Variants in XPO1 observed in about 807,000 individuals in gnomAD.
The protein encoded by XPO1 is exportin 1.
Under a neutral mutation model 133.3 loss-of-function variants are expected in XPO1, and 5 were observed. The ratio of observed to expected loss-of-function variants is 0.04; its 90% confidence interval spans 0.02 to 0.08. The LOEUF (loss-of-function observed/expected upper bound fraction) is 0.08, where lower values mean the gene tolerates loss of function less well. XPO1 is among the 10% of genes least tolerant of loss of function. XPO1 has a pLI of 1.00. For missense variants in XPO1, 506 were observed against 1,267.5 expected (o/e 0.40, Z 9.12); for synonymous variants, 419 against 408.2 (o/e 1.03, Z -0.32).
At chr2:61,532,758 C>G (rs973681208) in intron 2 of XPO1, among the ~76,000 whole-genome samples, 4 of 151,344 alleles carry the variant, frequency 2.6e-5, no homozygotes, top group African/African-American at 9.7e-5. Context: ...GCTTGAAAAC[C>G]TGGGAGGCAG....
At chr2:61,516,109 G>T (rs961875393) in intron 4 of XPO1, among the ~76,000 whole-genome samples, 4 of 144,812 alleles carry the variant, frequency 2.8e-5, no homozygotes, top group African/African-American at 1.0e-4. Context: ...CTGGGCGACA[G>T]AGCGAAACTC....
chr2:61,486,106 C>A, intron 19 of XPO1, 144 bp from the exon 20 acceptor site: 1 of 760,712 alleles, frequency 1.3e-6, no homozygotes, highest in African/African-American at 1.8e-5. Context: ...GGGTTTCCTA[C>A]GTCAAAACAG....
chr2:61,525,146 AAT>A (rs1698862539), intron 3 of XPO1: 1 of 430,444 alleles, frequency 2.3e-6, no homozygotes, highest in Non-Finnish European at 3.1e-6. Flanking sequence ...CTATGGTAGA[AAT>A]TTCTACTGAG....
At chr2:61,504,295 C>T (rs990014967) in intron 4 of XPO1, among the ~76,000 whole-genome samples, 6 of 152,174 alleles carry the variant, frequency 3.9e-5, no homozygotes, top group Non-Finnish European at 8.8e-5. Flanking sequence ...TGCTGAGCAT[C>T]TACTATAGGT....
At chr2:61,536,436 G>A (rs1412375672) in intron 1 of XPO1, 1 of 152,204 alleles carries the variant, frequency 6.6e-6, no homozygotes, top group Admixed American at 6.5e-5. Context: ...ACATACACTA[G>A]GGATTATCCA....
At chr2:61,507,174 G>T (rs1232847642) in intron 4 of XPO1, among the ~76,000 whole-genome samples, 2 of 146,690 alleles carry the variant, frequency 1.4e-5, no homozygotes, top group African/African-American at 5.1e-5. Flanking sequence ...TTGAACCCAA[G>T]ATGCAGTTGC....
At chr2:61,515,668 TACC>T (rs1413280085) in intron 4 of XPO1, among the ~76,000 whole-genome samples, 3 of 152,062 alleles carry the variant, frequency 2.0e-5, no homozygotes, top group Non-Finnish European at 4.4e-5. Flanking sequence ...CCAATAAATA[TACC>T]ACGTGTCTCA....
intron 22 of XPO1, 73 bp from the exon 23 acceptor site, chr2:61,482,612 GTTTTT>G (rs11360652): frequency 5.9e-6 from 6 of 1,023,782 alleles, no homozygotes; most frequent in Non-Finnish European, 7.9e-6. Context: ...TTTTTGTTTT[GTTTTT>G]TTTTTTTAGA....
intron 4 of XPO1, 184 bp from the exon 5 acceptor site, chr2:61,502,494 A>G: frequency 1.9e-6 from 1 of 533,422 alleles, no homozygotes; most frequent in Non-Finnish European, 3.2e-6. Context: ...TCACGCTTGT[A>G]ATCCCAGCAA....
rs1356100754 is a variant in XPO1 at position 61,537,784 on chromosome 2, C to CACACAT, written c.-230_-229insATGTGT. On this transcript the variant is annotated 5_prime_UTR_variant, in exon 1 of 25. In the 5' UTR this introduces an upstream ATG that the reference lacks. Transcript: ENST00000401558. ...ACACACACACACACACACACACACA[C>CACACAT]CCGCCCCCCCCCAAAAGGGGAATTA... The CACACAT allele has an allele frequency of 1.3e-5, 2 of 150,028 alleles. No homozygotes were observed. Among genetic ancestry groups the CACACAT allele is most frequent in the Non-Finnish European group, 2.9e-5 (2 of 68,782 alleles). 9.3% of individuals were successfully genotyped at this position (150,028 alleles called of 1,614,324 possible). A position where few individuals can be genotyped will look rare whatever the true frequency, so the allele number is the denominator to read the frequency against.
chr2:61,494,190 T>C, intron 11 of XPO1, 99 bp from the exon 12 acceptor site: 1 of 1,127,956 alleles, frequency 8.9e-7, no homozygotes, highest in Non-Finnish European at 1.2e-6. Context: ...AAAATTCATG[T>C]TTTATTCATC....
At chr2:61,483,763 A>G (rs1696531444) in intron 21 of XPO1, 174 bp downstream of exon 21, 1 of 663,802 alleles carries the variant, frequency 1.5e-6, no homozygotes, top group Non-Finnish European at 2.5e-6. Flanking sequence ...CTATGGACTC[A>G]CTTGGAGTGG....
rs749933849 is a variant in XPO1, at chr2:61,483,931, A to G, written c.2677+6T>C. 1 of 1,609,520 alleles carries G rather than the reference A, an allele frequency of 6.2e-7. No homozygotes were observed. Among genetic ancestry groups the G allele is most frequent in the Non-Finnish European group, 8.5e-7 (1 of 1,178,828 alleles). On this transcript the variant is annotated splice_donor_region_variant and intron_variant, in intron 21 of 24. Coordinates refer to ENST00000401558, the MANE Select transcript of XPO1 (RefSeq NM_003400.4). ...GCAAATGAATAAAAGAACATCTTTT[A>G]TTTACCCGTATCTGCGACATTCCTC...
In XPO1 at chr2:61,482,602, T is replaced by G. The variant is rs533392811; in HGVS notation, c.2813-63A>C. The G allele has an allele frequency of 4.1e-5, 55 of 1,333,918 alleles. 1 individual carries two copies. In the Middle Eastern group the frequency reaches 8.3e-4, roughly 20 times the overall value. The allele number at this position is 1,333,918 out of a possible 1,614,324, so 82.6% of individuals were successfully genotyped here. On this transcript the variant is annotated intron_variant, in intron 22 of 24. Coordinates refer to ENST00000401558, the MANE Select transcript of XPO1 (RefSeq NM_003400.4). ...ATATAACTATAGATCTTAGCGTTTT[T>G]TTTTGTTTTGTTTTTTTTTTTTAGA... is the stretch of plus-strand genomic sequence containing the variant.
intron 4 of XPO1, among the ~76,000 whole-genome samples, chr2:61,519,146 T>C (rs1034805896): frequency 6.6e-6 from 1 of 152,150 alleles, no homozygotes; most frequent in African/African-American, 2.4e-5. Context: ...AGATAGGGTT[T>C]CTCCATGTTG....
intron 4 of XPO1, among the ~76,000 whole-genome samples, chr2:61,512,878 T>TA (rs1454916973): frequency 1.3e-5 from 2 of 152,098 alleles, no homozygotes; most frequent in Non-Finnish European, 2.9e-5. Context: ...CCATCTCTAC[T>TA]AAAAATACAA....
At chr2:61,524,924 T>C (rs1195214052) in intron 3 of XPO1, among the ~76,000 whole-genome samples, 5 of 152,040 alleles carry the variant, frequency 3.3e-5, no homozygotes, top group Admixed American at 3.3e-4. Context: ...TTCAAAGAAT[T>C]TTTTTTCTTT....
At chr2:61,523,531 G>A (rs1488591475) in intron 3 of XPO1, among the ~76,000 whole-genome samples, 1 of 152,140 alleles carries the variant, frequency 6.6e-6, no homozygotes, top group Non-Finnish European at 1.5e-5. Flanking sequence ...ATAGGCAGGA[G>A]GAAGAAAAGG....
intron 17 of XPO1, among the ~76,000 whole-genome samples, chr2:61,490,324 C>CA (rs1205539088): frequency 6.6e-6 from 1 of 151,086 alleles, no homozygotes; most frequent in Non-Finnish European, 1.5e-5. Context: ...TAAGCCTCCT[C>CA]AGTAGCTGGG....
Sources: allele counts gnomAD v4.1 joint callset (sites outside exome capture counted in the v4.1 genomes callset), GRCh38; gene constraint gnomAD v4.1.1; transcripts MANE v1.5; gene names NCBI Gene and HGNC (gene_info 2026-07-23, HGNC 2026-07-21).